SYNPO2: variants seen among roughly 807,000 people sequenced by gnomAD.
The protein encoded by SYNPO2 is synaptopodin 2, also known as synaptopodin-2.
A neutral mutation model predicts 85.0 loss-of-function variants in SYNPO2; 56 were observed. The ratio of observed to expected loss-of-function variants is 0.66; its 90% CI spans 0.53 to 0.82. The LOEUF is 0.82. SYNPO2 is among the 40% of genes least tolerant of loss of function. The pLI, the probability that SYNPO2 is intolerant of heterozygous loss-of-function variation, is 0.00. For synonymous variants in SYNPO2, 602 were observed against 591.1 expected (o/e 1.02, Z -0.27); for missense variants, 1,575 against 1,534.2 (o/e 1.03, Z -0.44).
At chr4:118,900,721 A>G (rs1245629315) in intron 1 of SYNPO2, among the ~76,000 whole-genome samples, 17 of 118,836 alleles carry the variant, frequency 1.4e-4, no homozygotes, top group Non-Finnish European at 2.0e-4. Flanking sequence ...ATATATATAT[A>G]TATATATATA....
intron 1 of SYNPO2, among the ~76,000 whole-genome samples, chr4:118,940,287 G>T (rs555351288): frequency 3.9e-5 from 6 of 151,944 alleles, no homozygotes; most frequent in Admixed American, 6.6e-5. Context: ...GCGCCTGGCC[G>T]CCTTTTCTCT....
intron 1 of SYNPO2, among the ~76,000 whole-genome samples, chr4:119,005,408 G>C (rs1275334677): frequency 6.6e-6 from 1 of 151,706 alleles, no homozygotes; most frequent in Admixed American, 6.6e-5. Flanking sequence ...TTTTGTTTAA[G>C]GTGTAAGGAA....
At chr4:118,972,075 C>A (rs1435315884) in intron 1 of SYNPO2, among the ~76,000 whole-genome samples, 1 of 152,122 alleles carries the variant, frequency 6.6e-6, no homozygotes, top group African/African-American at 2.4e-5. Flanking sequence ...AGGAGTTATC[C>A]TAACTTCTGA....
At chr4:118,878,421 T>C (rs1323585167) in intron 1 of SYNPO2, among the ~76,000 whole-genome samples, 1 of 152,218 alleles carries the variant, frequency 6.6e-6, no homozygotes, top group African/African-American at 2.4e-5. Flanking sequence ...TAAATCAATT[T>C]ACTTCAACCC....
At chr4:118,869,512 C>T (rs1324133790) in intron 1 of SYNPO2, among the ~76,000 whole-genome samples, 1 of 152,130 alleles carries the variant, frequency 6.6e-6, no homozygotes, top group Non-Finnish European at 1.5e-5. Context: ...TGATTCTATG[C>T]AATTTCATTT....
rs1184809302 is a variant in SYNPO2 at position 119,031,155 on chromosome 4, A to G, written c.2380A>G (p.Thr794Ala). 1.2e-6 allele frequency: 2 copies of G among 1,614,004 alleles called. No individual in the cohort carries two copies. Among genetic ancestry groups the G allele is most frequent in the African/African-American group, 1.3e-5 (1 of 74,990 alleles). ...VAPTQPPAFPTSNPSKGTVVS... is the reference protein window; with the variant it reads ...VAPTQPPAFPASNPSKGTVVS... The stretch of plus-strand genomic sequence containing the variant: ...TCCCACCCAACCTCCTGCCTTCCCC[A>G]CATCCAACCCATCAAAGGGCACCGT... Residue 794 changes from threonine (T) to alanine (A), a missense_variant, in exon 4 of 5, where the codon ACA becomes GCA. Physicochemically the swap from Thr to Ala is moderately conservative, Grantham distance 58. Transcript: ENST00000307142.
chr4:119,047,763 C>T (rs140670293), intron 4 of SYNPO2, among the ~76,000 whole-genome samples: 2,130 of 152,146 alleles, frequency 0.014, 56 homozygotes, highest in African/African-American at 0.048. Flanking sequence ...AAATTTTTTC[C>T]AGTGTTGAAC....
intron 1 of SYNPO2, among the ~76,000 whole-genome samples, chr4:119,022,200 C>T (rs959291577): frequency 1.3e-5 from 2 of 152,128 alleles, no homozygotes; most frequent in Non-Finnish European, 2.9e-5. Context: ...AACAAGTTGC[C>T]CCGTCCTGTA....
chr4:118,915,824 A>C (rs975960964), intron 1 of SYNPO2, among the ~76,000 whole-genome samples: 1 of 152,180 alleles, frequency 6.6e-6, no homozygotes, highest in African/African-American at 2.4e-5. Flanking sequence ...GCGGCTCTAC[A>C]ACTTCTTAAT....
At chr4:118,853,079 G>A (rs1322791993) in intron 1 of SYNPO2, among the ~76,000 whole-genome samples, 1 of 152,128 alleles carries the variant, frequency 6.6e-6, no homozygotes, top group African/African-American at 2.4e-5. Context: ...AGAAACACAA[G>A]AGTTTTTTTC....
intron 4 of SYNPO2, among the ~76,000 whole-genome samples, chr4:119,051,332 A>G (rs13144885): frequency 0.89 from 127,218 of 142,470 alleles, 56,883 homozygotes; most frequent in South Asian, 0.95. Flanking sequence ...TGGGACTACA[A>G]GCGCCCGCCA....
intron 1 of SYNPO2, among the ~76,000 whole-genome samples, chr4:118,971,570 C>G (rs141014777): frequency 1.3e-3 from 197 of 152,324 alleles, no homozygotes; most frequent in East Asian, 7.7e-3. Flanking sequence ...AGTGAAAGGG[C>G]AACCTGACTT....
chr4:118,976,468 C>G lies in SYNPO2; in HGVS notation c.106-46962C>G, dbSNP rs536192480. On this transcript the variant is annotated intron_variant, in intron 1 of 4. Coordinates refer to ENST00000307142, the MANE Select transcript of SYNPO2 (RefSeq NM_133477.3). ...AGCTTCCACACTGTGGAAGGGGACC[C>G]TAGCGGGTTGCCAATGCTGGCTAGG... Among the ~76,000 whole-genome samples the G allele has an allele frequency of 3.9e-5, 6 of 152,214 alleles. No homozygotes were observed. In the South Asian group the frequency reaches 1.2e-3, roughly 32 times the overall value.
At chr4:118,883,974 C>T (rs994189093), upstream of SYNPO2, among the ~76,000 whole-genome samples, 2 of 152,122 alleles carry the variant, frequency 1.3e-5, no homozygotes, top group Admixed American at 6.5e-5. Context: ...GCAGCAGAAA[C>T]ATCAGCATGT....
intron 1 of SYNPO2, among the ~76,000 whole-genome samples, chr4:118,974,735 A>G (rs999325520): frequency 1.3e-5 from 2 of 152,188 alleles, no homozygotes; most frequent in African/African-American, 4.8e-5. Flanking sequence ...CACCATTATT[A>G]GGACTTTAGA....
chr4:118,948,414 AT>A (rs1189469944), intron 1 of SYNPO2, among the ~76,000 whole-genome samples: 2 of 152,216 alleles, frequency 1.3e-5, no homozygotes, highest in Non-Finnish European at 2.9e-5. Flanking sequence ...ATGCCTATCA[AT>A]TTACGTTACT....
At chr4:119,002,204 A>G (rs1160619469) in intron 1 of SYNPO2, among the ~76,000 whole-genome samples, 1 of 151,986 alleles carries the variant, frequency 6.6e-6, no homozygotes, top group East Asian at 1.9e-4. Context: ...TCATCCCCAA[A>G]CTCACTCCAT....
chr4:118,971,151 A>G (rs529486559), intron 1 of SYNPO2, among the ~76,000 whole-genome samples: 3 of 152,330 alleles, frequency 2.0e-5, no homozygotes, highest in South Asian at 2.1e-4. Flanking sequence ...AGATGAATAT[A>G]TGTTATATTT....
chr4:119,051,629 C>G (rs1250762416), intron 4 of SYNPO2, among the ~76,000 whole-genome samples: 1 of 151,994 alleles, frequency 6.6e-6, no homozygotes, highest in African/African-American at 2.4e-5. Flanking sequence ...CAACTTTATT[C>G]GAAGTTATTA....
Sources: gnomAD v4.1 joint callset for allele counts (sites outside exome capture counted in the v4.1 genomes callset) on GRCh38, gnomAD v4.1.1 for gene constraint, MANE v1.5 for transcripts, NCBI Gene and HGNC (gene_info 2026-07-23, HGNC 2026-07-21) for gene names.